Variants in SLC35F3 observed in about 807,000 individuals in gnomAD.
SLC35F3 encodes solute carrier family 35 member F3, also known as putative thiamine transporter SLC35F3.
Under a neutral mutation model 49.9 loss-of-function variants are expected in SLC35F3, and 25 were observed. That is an observed-to-expected ratio of 0.50 (90% CI 0.37 to 0.70). SLC35F3 has a LOEUF of 0.70. Among genes scored for constraint, SLC35F3 ranks in the 30% least tolerant of loss-of-function variants. The pLI is 0.00. For missense variants in SLC35F3, 525 were observed against 639.8 expected, an observed-to-expected ratio of 0.82 and a Z score of 1.94; for synonymous variants, 275 against 265.4, an observed-to-expected ratio of 1.04 and a Z score of -0.35.
chr1:234,024,540 T>C (rs1663946643), intron 2 of SLC35F3, among the ~76,000 whole-genome samples: 1 of 152,202 alleles, frequency 6.6e-6, no homozygotes, highest in Admixed American at 6.5e-5. Context: ...AGTGACTGCA[T>C]CTGATGAAAG....
At chr1:233,913,766 C>A (rs1476272034) in intron 2 of SLC35F3, among the ~76,000 whole-genome samples, 1 of 152,202 alleles carries the variant, frequency 6.6e-6, no homozygotes, top group African/African-American at 2.4e-5. Context: ...ACTTCTGTTG[C>A]TGGTTCTCTT....
At chr1:234,108,749 A>T (rs1665347791) in intron 2 of SLC35F3, among the ~76,000 whole-genome samples, 1 of 108,532 alleles carries the variant, frequency 9.2e-6, no homozygotes, top group Non-Finnish European at 1.8e-5. Context: ...TTTATATATA[A>T]AAGATATATA....
At chr1:234,246,488 CAG>C (rs1667633187) in intron 3 of SLC35F3, among the ~76,000 whole-genome samples, 1 of 152,180 alleles carries the variant, frequency 6.6e-6, no homozygotes, top group Non-Finnish European at 1.5e-5. Flanking sequence ...ATAAATTATT[CAG>C]AGAGTGGAAA....
At chr1:233,976,920 T>C (rs1308289997) in intron 2 of SLC35F3, among the ~76,000 whole-genome samples, 1 of 152,162 alleles carries the variant, frequency 6.6e-6, no homozygotes, top group East Asian at 1.9e-4. Flanking sequence ...TGGTACTCAA[T>C]TTTAAAGAGA....
intron 2 of SLC35F3, among the ~76,000 whole-genome samples, chr1:234,171,610 C>T (rs1666400650): frequency 6.6e-6 from 1 of 152,076 alleles, no homozygotes; most frequent in Admixed American, 6.5e-5. Context: ...ACAGATGATA[C>T]TTATCATCAG....
At chr1:234,087,953 C>T (rs1198960627) in intron 2 of SLC35F3, among the ~76,000 whole-genome samples, 1 of 152,194 alleles carries the variant, frequency 6.6e-6, no homozygotes, top group Admixed American at 6.5e-5. Flanking sequence ...TTTCTTGACC[C>T]TTTCTAAAAC....
At chr1:234,203,316 C>T (rs574503397) in intron 2 of SLC35F3, among the ~76,000 whole-genome samples, 1 of 152,320 alleles carries the variant, frequency 6.6e-6, no homozygotes, top group East Asian at 1.9e-4. Context: ...TCCTTCTTCT[C>T]TTACACATTC....
chr1:234,218,892 T>TG (rs1558263832), intron 2 of SLC35F3, among the ~76,000 whole-genome samples: 1 of 151,580 alleles, frequency 6.6e-6, no homozygotes, highest in Non-Finnish European at 1.5e-5. Context: ...CTACTAAAAA[T>TG]ACAAAAATTA....
intron 2 of SLC35F3, among the ~76,000 whole-genome samples, chr1:234,144,643 A>AT (rs530693583): frequency 5.6e-4 from 85 of 152,146 alleles, no homozygotes; most frequent in African/African-American, 1.9e-3. Context: ...AGTTAAACAG[A>AT]TTTTTTTTCT....
chr1:234,223,975 A>T (rs1347479964), intron 2 of SLC35F3, among the ~76,000 whole-genome samples: 1 of 152,122 alleles, frequency 6.6e-6, no homozygotes, highest in Non-Finnish European at 1.5e-5. Flanking sequence ...AAACTCCCTG[A>T]TGTCTCTTCT....
At chr1:234,185,516 A>C (rs1480334151) in intron 2 of SLC35F3, among the ~76,000 whole-genome samples, 3 of 152,210 alleles carry the variant, frequency 2.0e-5, no homozygotes, top group Admixed American at 1.3e-4. Flanking sequence ...GTAGTACCTA[A>C]GGCATTAATG....
chr1:234,145,530 T>C (rs1419478543), intron 2 of SLC35F3, among the ~76,000 whole-genome samples: 1 of 152,180 alleles, frequency 6.6e-6, no homozygotes, highest in Non-Finnish European at 1.5e-5. Context: ...GTACTCCATA[T>C]CCATGAGCCG....
At chr1:234,074,155 T>C (rs941717961) in intron 2 of SLC35F3, among the ~76,000 whole-genome samples, 1 of 152,198 alleles carries the variant, frequency 6.6e-6, no homozygotes, top group African/African-American at 2.4e-5. Context: ...TCTTCATAAG[T>C]TAAACACTCC....
intron 2 of SLC35F3, among the ~76,000 whole-genome samples, chr1:233,990,604 T>C (rs148020172): frequency 6.7e-6 from 1 of 150,292 alleles, no homozygotes; most frequent in East Asian, 2.0e-4. Context: ...AGGGAGTAGA[T>C]CTTAGGTATT....
rs1350513 is a variant in SLC35F3 at position 234,071,275 on chromosome 1, G to A, written c.284-160142G>A. On this transcript the variant is annotated intron_variant, in intron 2 of 7. Transcript: ENST00000366618. Reference sequence around the variant, plus strand: ...TGACAATTACTTACTGAGAAACTATGGGCCAGGCACTGTTCAAAGTCCTTG... The same window carrying A: ...TGACAATTACTTACTGAGAAACTATAGGCCAGGCACTGTTCAAAGTCCTTG... Among the ~76,000 whole-genome samples the A allele has an allele frequency of 1.5e-3, 229 of 152,284 alleles. 2 individuals carry two copies. Among genetic ancestry groups the A allele is most frequent in the Middle Eastern group, 6.8e-3 (2 of 294 alleles).
chr1:234,310,627 GC>G (rs567250330), intron 4 of SLC35F3, among the ~76,000 whole-genome samples: 1 of 152,174 alleles, frequency 6.6e-6, no homozygotes, highest in South Asian at 2.1e-4. Flanking sequence ...AATGTCCTGG[GC>G]CCCCCTGCCA....
chr1:234,120,883 A>G (rs956543826), intron 2 of SLC35F3, among the ~76,000 whole-genome samples: 1 of 152,232 alleles, frequency 6.6e-6, no homozygotes, highest in East Asian at 1.9e-4. Context: ...AGCATTTGCT[A>G]AATCTAATCA....
intron 2 of SLC35F3, among the ~76,000 whole-genome samples, chr1:234,078,345 T>A (rs1316770963): frequency 6.6e-6 from 1 of 152,164 alleles, no homozygotes; most frequent in East Asian, 1.9e-4. Context: ...CTCCATTTCC[T>A]CACCTCCTAC....
intron 2 of SLC35F3, among the ~76,000 whole-genome samples, chr1:234,131,129 A>C (rs191412102): frequency 1.8e-3 from 268 of 152,244 alleles, no homozygotes; most frequent in Non-Finnish European, 3.0e-3. Context: ...GGGATGAAAG[A>C]GGGAATAGTT....
Sources: allele counts gnomAD v4.1 joint callset (sites outside exome capture counted in the v4.1 genomes callset), GRCh38; gene constraint gnomAD v4.1.1; transcripts MANE v1.5; gene names NCBI Gene and HGNC (gene_info 2026-07-23, HGNC 2026-07-21).